Variants in MTMR11 observed in about 807,000 individuals in gnomAD.
The protein encoded by MTMR11 is myotubularin related protein 11, also known as myotubularin-related protein 11.
In MTMR11, 89 loss-of-function variants were observed where a neutral mutation model predicts 100.0. That is an observed-to-expected ratio of 0.89 (90% CI 0.75 to 1.06). The LOEUF is 1.06. Among genes scored for constraint, MTMR11 ranks in the 50% least tolerant of loss-of-function variants. MTMR11 has a pLI of 0.00. For synonymous variants in MTMR11, 336 were observed against 326.3 expected, an observed-to-expected ratio of 1.03 and a Z score of -0.32; for missense variants, 809 against 873.7, an observed-to-expected ratio of 0.93 and a Z score of 0.93.
At chr1:149,930,693 C>T in intron 14 of MTMR11, 99 bp downstream of exon 14, 1 of 1,391,688 alleles carries the variant, frequency 7.2e-7, no homozygotes, top group Non-Finnish European at 9.7e-7. Context: ...CCCCTCCCCA[C>T]TCACAGACCT....
chr1:149,936,162 C>T lies in MTMR11; in HGVS notation c.134G>A (p.Cys45Tyr). 4 of 1,613,978 alleles carry T rather than the reference C, an allele frequency of 2.5e-6. No individual in the cohort carries two copies. Among genetic ancestry groups the T allele is most frequent in the African/African-American group, 1.3e-5 (1 of 75,000 alleles). Reference protein sequence around the residue: ...RQPSSCLASRCLPGEQILAWA... With the variant: ...RQPSSCLASRYLPGEQILAWA... ...TGATAGGGCATTATTACCTGGGAGG[C>T]ATCTGGAGGCCAGGCAACTGCTAGG... The change falls in exon 2 of 17, where the codon TGC (cysteine) becomes TAC (tyrosine). Residue 45 changes from cysteine (C) to tyrosine (Y), a missense_variant. By Grantham distance (194) the Cys-to-Tyr change is radical. Transcript: ENST00000439741.
chr1:149,930,080 A>C, intron 15 of MTMR11, 164 bp from the exon 16 acceptor site: 1 of 806,828 alleles, frequency 1.2e-6, no homozygotes, highest in East Asian at 2.7e-5. Flanking sequence ...TTAGGCTTCA[A>C]CTAGGCCTCG....
chr1:149,934,658 G>A (rs1207525378), intron 5 of MTMR11, 132 bp from the exon 6 acceptor site: 2 of 990,924 alleles, frequency 2.0e-6, no homozygotes, highest in South Asian at 3.3e-5. Context: ...CCTAGAGAAG[G>A]GGGCTTCCTC....
At position 149,935,588 on chromosome 1, in the gene MTMR11, T is replaced by C; in HGVS notation, c.260A>G (p.Asn87Ser). Reference protein sequence around the residue: ...VTFQPCGWQWNQDTPLNSEYD... With the variant: ...VTFQPCGWQWSQDTPLNSEYD... ...CTGTGGCCCCAACCATCTCACCTGA[T>C]TCCACTGCCATCCACAGGGCTGGAA... Residue 87 changes from asparagine (N) to serine (S), a missense_variant, in exon 3 of 17, where the codon AAT (asparagine) becomes AGT (serine). Transcript: ENST00000439741. 2 of 1,613,888 alleles carry C rather than the reference T, an allele frequency of 1.2e-6. No individual in the cohort carries two copies. The highest frequency in any genetic ancestry group is 3.3e-5 in the Admixed American group (2 of 60,020).
In MTMR11 at chr1:149,935,971, CAG is replaced by C. The variant is rs587746745; in HGVS notation, c.142+181_142+182del. On this transcript the variant is annotated intron_variant, in intron 2 of 16. Coordinates refer to ENST00000439741, the MANE Select transcript of MTMR11 (RefSeq NM_001145862.2). ...AAAAGGGGTAACAGGGTCAAGGAAA[CAG>C]AAGGAATGTCAAGGTCCAGCTCTCA... is the stretch of plus-strand genomic sequence containing the variant. 1.9e-3 allele frequency among the ~76,000 whole-genome samples: 287 copies of C among 152,274 alleles called. 2 individuals are homozygous for C. The highest frequency in any genetic ancestry group is 6.7e-3 in the African/African-American group (279 of 41,546).
intron 4 of MTMR11, 65 bp from the exon 5 acceptor site, chr1:149,935,193 A>C: frequency 3.7e-6 from 6 of 1,608,624 alleles, no homozygotes; most frequent in Non-Finnish European, 5.1e-6. Flanking sequence ...GGACTCTTGC[A>C]GCCCATCCCA....
At chr1:149,929,574 A>G (rs1559802081) in intron 16 of MTMR11, 49 bp downstream of exon 16, 4 of 1,557,554 alleles carry the variant, frequency 2.6e-6, no homozygotes, top group Non-Finnish European at 3.5e-6. Context: ...CATCTGGTTC[A>G]GCAGAGTCAA....
chr1:149,935,667 C>A lies in MTMR11; in HGVS notation c.181G>T (p.Gly61Cys), dbSNP rs373257520. 1 of 1,613,572 alleles carries A rather than the reference C, an allele frequency of 6.2e-7. No homozygotes were observed. The highest frequency in any genetic ancestry group is 8.5e-7 in the Non-Finnish European group (1 of 1,179,740). Residue 61 changes from glycine to cysteine, a missense_variant, in exon 3 of 17, where the codon GGC (glycine) becomes TGC (cysteine). Coordinates refer to ENST00000439741, the MANE Select transcript of MTMR11 (RefSeq NM_001145862.2). ...ILAWAPGVRKGLEPELSGTLI... is the reference protein window; with the variant it reads ...ILAWAPGVRKCLEPELSGTLI... ...GTTCCAGACAATTCTGGTTCCAGGC[C>A]CTTCCTCACCCCTGGGGCCCATGCT...
chr1:149,932,565 A>G (rs2092673450), intron 10 of MTMR11, among the ~76,000 whole-genome samples: 1 of 152,208 alleles, frequency 6.6e-6, no homozygotes, highest in Non-Finnish European at 1.5e-5. Context: ...TGTCTCAATA[A>G]AGCTGTTTAA....
intron 16 of MTMR11, 60 bp from the exon 17 acceptor site, chr1:149,929,377 C>T: frequency 6.9e-7 from 1 of 1,451,682 alleles, no homozygotes; most frequent in Non-Finnish European, 9.5e-7. Flanking sequence ...CCCCCTGCTT[C>T]TCTGCTACTT....
In MTMR11 at chr1:149,929,673, G is replaced by T; in HGVS notation, c.1891C>A (p.Gln631Lys). 1.2e-6 allele frequency: 2 copies of T among 1,613,932 alleles called. No individual in the cohort carries two copies. The highest frequency in any genetic ancestry group is 1.1e-5 in the South Asian group (1 of 91,074). The stretch of plus-strand genomic sequence containing the variant: ...TAGCAGCGTCTCCAGAGCCTGATCT[G>T]GGGTCCCAGATACCCAGGCAGCAGC... ...GLLLPGYLGPQIRLWRRCYLR... is the reference protein window; with the variant it reads ...GLLLPGYLGPKIRLWRRCYLR... The change falls in exon 16 of 17, where the codon CAG becomes AAG. Residue 631 changes from glutamine (Q) to lysine (K), a missense_variant. Transcript: ENST00000439741.
intron 14 of MTMR11, 98 bp downstream of exon 14, chr1:149,930,694 T>C (rs1399262896): frequency 7.2e-7 from 1 of 1,393,532 alleles, no homozygotes; most frequent in Non-Finnish European, 9.7e-7. Flanking sequence ...CCCTCCCCAC[T>C]CACAGACCTC....
chr1:149,929,839 G>T lies in MTMR11; in HGVS notation c.1725C>A (p.Leu575=), dbSNP rs782112794. The T allele has an allele frequency of 1.1e-5, 18 of 1,614,098 alleles. No individual in the cohort carries two copies. Among genetic ancestry groups the T allele is most frequent in the Non-Finnish European group, 1.4e-5 (17 of 1,180,046 alleles). The change falls in exon 16 of 17, where the codon CTC becomes CTA. Residue 575 remains leucine (L), a synonymous_variant. Coordinates refer to ENST00000439741, the MANE Select transcript of MTMR11 (RefSeq NM_001145862.2). The part of the protein sequence containing the change: ...SRGALTPLNQ[L]CPWRDSPSLL... ...GGGAAGGACTGTCCCGCCAAGGACA[G>T]AGCTGATTCAGGGGGGTCAATGCTC...
chr1:149,934,322 C>G lies in MTMR11; in HGVS notation c.552G>C (p.Gln184His), dbSNP rs781943523. ...TTGGTGGTTTTCTGGAGCCAGAACC[C>G]TGGCCTAGAACAGGAGTGAGACATA... ...YSGITLSKAG[Q>H]GSGSRKPPIP... The change falls in exon 7 of 17, where the codon CAG becomes CAC. Residue 184 changes from glutamine (Q) to histidine (H), a missense_variant. Coordinates refer to ENST00000439741, the MANE Select transcript of MTMR11 (RefSeq NM_001145862.2). The G allele has an allele frequency of 1.2e-6, 2 of 1,614,228 alleles. No individual in the cohort carries two copies. The highest frequency in any genetic ancestry group is 1.7e-6 in the Non-Finnish European group (2 of 1,180,044).
chr1:149,934,195 T>A lies in MTMR11; in HGVS notation c.679A>T (p.Thr227Ser). 1 of 1,613,876 alleles carries A rather than the reference T, an allele frequency of 6.2e-7. No homozygotes were observed. The highest frequency in any genetic ancestry group is 8.5e-7 in the Non-Finnish European group (1 of 1,180,018). Residue 227 changes from threonine to serine, a missense_variant, in exon 7 of 17, where the codon ACC becomes TCC. Transcript: ENST00000439741. ...TGGGGTGCACTGGGGGATCACCTGG[T>A]GGCTACGTCGAACCTCTCGTTGACC... ...STVNERFDVA[T>S]SLPRYFWVPN...
At chr1:149,936,293 C>T in intron 1 of MTMR11, 64 bp from the exon 2 acceptor site, 1 of 1,606,292 alleles carries the variant, frequency 6.2e-7, no homozygotes, top group Non-Finnish European at 8.5e-7. Flanking sequence ...TCCCCAGAGG[C>T]AGCTGCCTGT....
Position 149,928,689 on chromosome 1 carries a change from G to A in MTMR11, c.*440C>T. ...TATGCTTTAATGAGCCCCTTAAATA[G>A]AAATTCCACTACAAAAATACAGAGG... On this transcript the variant is annotated 3_prime_UTR_variant, in exon 17 of 17. Transcript: ENST00000439741. The A allele has an allele frequency of 1.6e-6, 1 of 629,196 alleles. No individual in the cohort carries two copies. Among genetic ancestry groups the A allele is most frequent in the Admixed American group, 2.9e-5 (1 of 34,314 alleles). The allele number at this position is 629,196 out of a possible 1,614,324, so 39.0% of individuals were successfully genotyped here.
At chr1:149,931,724 G>A in intron 12 of MTMR11, 1 of 585,998 alleles carries the variant, frequency 1.7e-6, no homozygotes. Context: ...TCCGCTGATG[G>A]AAGGAAAGGA....
Position 149,933,685 on chromosome 1 carries a change from T to G in MTMR11, c.785A>C (p.His262Pro), listed in dbSNP as rs1177519620. 5 of 1,614,200 alleles carry G rather than the reference T, an allele frequency of 3.1e-6. No individual in the cohort carries two copies. The highest frequency in any genetic ancestry group is 4.2e-6 in the Non-Finnish European group (5 of 1,180,032). Reference protein sequence around the residue: ...HQGRGPRLSWHHPGGSDLLRC... With the variant: ...HQGRGPRLSWPHPGGSDLLRC... Reference sequence around the variant, plus strand: ...GAGAAGATCACTGCCCCCAGGGTGATGCCAGGACAAGCGCTTCACATGGGG... The same window carrying G: ...GAGAAGATCACTGCCCCCAGGGTGAGGCCAGGACAAGCGCTTCACATGGGG... Residue 262 changes from histidine (H) to proline (P), a missense_variant, in exon 9 of 17, where the codon CAT becomes CCT. Coordinates refer to ENST00000439741, the MANE Select transcript of MTMR11 (RefSeq NM_001145862.2).
Sources: gnomAD v4.1 joint callset for allele counts (sites outside exome capture counted in the v4.1 genomes callset) on GRCh38, gnomAD v4.1.1 for gene constraint, MANE v1.5 for transcripts, NCBI Gene and HGNC (gene_info 2026-07-23, HGNC 2026-07-21) for gene names.